Variants in SNAP29 observed in about 807,000 individuals in gnomAD.
The protein encoded by SNAP29 is synaptosomal-associated protein 29.
A neutral mutation model predicts 27.9 loss-of-function variants in SNAP29; 13 were observed. The observed-to-expected ratio is 0.47, with a 90% CI of 0.30 to 0.74. The LOEUF (loss-of-function observed/expected upper bound fraction) is 0.74, where lower values mean the gene tolerates loss of function less well. Among genes scored for constraint, SNAP29 ranks in the 30% least tolerant of loss-of-function variants. SNAP29 has a pLI of 0.06. For missense variants in SNAP29, 368 were observed against 336.5 expected, an observed-to-expected ratio of 1.09 and a Z score of -0.73; for synonymous variants, 119 against 127.1, an observed-to-expected ratio of 0.94 and a Z score of 0.43.
chr22:20,860,514 T>G (rs1012953377), intron 1 of SNAP29, among the ~76,000 whole-genome samples: 2 of 148,818 alleles, frequency 1.3e-5, no homozygotes, highest in African/African-American at 4.9e-5. Flanking sequence ...GGACTACAGG[T>G]GCGCCGCCAC....
rs752875049 is a variant in SNAP29 at position 20,881,042 on chromosome 22, T to C, written c.435-7T>C. On this transcript the variant is annotated splice_region_variant and splice_polypyrimidine_tract_variant and intron_variant, in intron 2 of 4. Coordinates refer to ENST00000215730, the MANE Select transcript of SNAP29 (RefSeq NM_004782.4). ...ACGTTTTCTTTTTTGTGAACTTTTA[T>C]CCAAAGATTGAAAGAAGCTATAAGT... The C allele has an allele frequency of 1.4e-5, 23 of 1,592,456 alleles. No homozygotes were observed. In the African/African-American group the frequency reaches 2.8e-4, roughly 20 times the overall value.
Position 20,871,482 on chromosome 22 carries a change from T to TAAAAAAAAAAA in SNAP29, c.434+962_434+972dup, listed in dbSNP as rs58294079. 4.6e-3 allele frequency among the ~76,000 whole-genome samples: 297 copies of TAAAAAAAAAAA among 64,080 alleles called. 2 individuals carry two copies. The highest frequency in any genetic ancestry group is 6.5e-3 in the Non-Finnish European group (217 of 33,132). 42.0% of individuals were successfully genotyped at this position (64,080 alleles called of 152,430 possible). ...ATCAGTGACAGAGTCTCCCTGTCTCTAAAAAAAAAAAAAAAAAAAAAAAGA... is the reference window on the plus strand; with the variant it reads ...ATCAGTGACAGAGTCTCCCTGTCTCTAAAAAAAAAAAAAAAAAAAAAAAAAAAAAAAAAAGA... On this transcript the variant is annotated intron_variant, in intron 2 of 4. Transcript: ENST00000215730.
Position 20,887,988 on chromosome 22 carries a change from T to G in SNAP29, c.*152T>G. The G allele has an allele frequency of 1.3e-6, 1 of 778,934 alleles. No homozygotes were observed. Among genetic ancestry groups the G allele is most frequent in the Non-Finnish European group, 2.1e-6 (1 of 476,578 alleles). 48.3% of individuals were successfully genotyped at this position (778,934 alleles called of 1,614,324 possible). Reference sequence around the variant, plus strand: ...AGGTCTTAAGACATTTTTGCTGTTATAAGGAAGTGTTTGTCCCACATTTTC... The same window carrying G: ...AGGTCTTAAGACATTTTTGCTGTTAGAAGGAAGTGTTTGTCCCACATTTTC... On this transcript the variant is annotated 3_prime_UTR_variant, in exon 5 of 5. Coordinates refer to ENST00000215730, the MANE Select transcript of SNAP29 (RefSeq NM_004782.4).
chr22:20,881,565 A>G (rs1928892835), intron 3 of SNAP29, among the ~76,000 whole-genome samples: 1 of 152,136 alleles, frequency 6.6e-6, no homozygotes, highest in Admixed American at 6.5e-5. Context: ...AAATTAGCCA[A>G]ATGTGGTGGC....
rs370091844 is a variant in SNAP29 at position 20,877,403 on chromosome 22, A to T, written c.435-3646A>T. The stretch of plus-strand genomic sequence containing the variant: ...GAAACCCTGTCTCTACTAAAAATAC[A>T]AAATGAGCCAAGCAAGGTGGCACAC... On this transcript the variant is annotated intron_variant, in intron 2 of 4. Transcript: ENST00000215730. Among the ~76,000 whole-genome samples, 47 of 152,290 alleles carry T rather than the reference A, an allele frequency of 3.1e-4. No homozygotes were observed. The South Asian group carries it at 9.3e-3, about 30-fold the overall frequency.
In SNAP29 at chr22:20,889,512, G is replaced by A. The variant is rs546890957; in HGVS notation, c.*1676G>A. ...AGACATTTGTTTATTAGATGAGCTCGGCATTATTATTTTCTCAATAACTGG... is the reference window on the plus strand; with the variant it reads ...AGACATTTGTTTATTAGATGAGCTCAGCATTATTATTTTCTCAATAACTGG... On this transcript the variant is annotated 3_prime_UTR_variant, in exon 5 of 5. Coordinates refer to ENST00000215730, the MANE Select transcript of SNAP29 (RefSeq NM_004782.4). The A allele has an allele frequency of 6.6e-6, 1 of 152,230 alleles. No individual in the cohort carries two copies. Among genetic ancestry groups the A allele is most frequent in the South Asian group, 2.1e-4 (1 of 4,830 alleles). 9.4% of individuals were successfully genotyped at this position (152,230 alleles called of 1,614,324 possible).
intron 4 of SNAP29, 38 bp from the exon 5 acceptor site, chr22:20,887,641 G>A: frequency 6.2e-7 from 1 of 1,613,632 alleles, no homozygotes; most frequent in Non-Finnish European, 8.5e-7. Flanking sequence ...TGCCGTGACT[G>A]TTTGCTCATG....
At chr22:20,875,200 T>C (rs776386402) in intron 2 of SNAP29, among the ~76,000 whole-genome samples, 2 of 152,142 alleles carry the variant, frequency 1.3e-5, no homozygotes, top group Non-Finnish European at 2.9e-5. Context: ...CTTTGTCTCT[T>C]GGGAAGTCCT....
intron 1 of SNAP29, among the ~76,000 whole-genome samples, chr22:20,863,152 G>T (rs1928369578): frequency 6.6e-6 from 1 of 152,152 alleles, no homozygotes; most frequent in South Asian, 2.1e-4. Context: ...GCCTCCCAGT[G>T]CTGGATTACA....
chr22:20,868,654 A>G (rs1432522924), intron 1 of SNAP29, among the ~76,000 whole-genome samples: 3 of 152,198 alleles, frequency 2.0e-5, no homozygotes, highest in Non-Finnish European at 2.9e-5. Context: ...GCTAAGCCAC[A>G]GGGTGATGGG....
chr22:20,865,285 G>A (rs1166150307), intron 1 of SNAP29, among the ~76,000 whole-genome samples: 1 of 152,028 alleles, frequency 6.6e-6, no homozygotes, highest in Non-Finnish European at 1.5e-5. Context: ...AACCAGGGAG[G>A]TCAAGGCTGC....
intron 2 of SNAP29, among the ~76,000 whole-genome samples, chr22:20,874,352 CACACACACACACACA>C (rs1569117996): frequency 3.4e-3 from 181 of 53,686 alleles, no homozygotes; most frequent in Non-Finnish European, 5.1e-3. Flanking sequence ...AAATTAGCCA[CACACACACACACACA>C]CACACACACA....
At chr22:20,883,656 A>G (rs1928944836) in intron 4 of SNAP29, 87 bp downstream of exon 4, 1 of 848,610 alleles carries the variant, frequency 1.2e-6, no homozygotes, top group African/African-American at 1.7e-5. Context: ...AGCATCCTCC[A>G]GCTTCAGTTC....
intron 4 of SNAP29, among the ~76,000 whole-genome samples, chr22:20,884,313 C>T (rs1186906676): frequency 1.4e-5 from 2 of 148,080 alleles, no homozygotes; most frequent in Non-Finnish European, 3.0e-5. Context: ...ACCTGGGCAA[C>T]AAGAGCGAAA....
At chr22:20,876,913 G>A (rs550283349) in intron 2 of SNAP29, among the ~76,000 whole-genome samples, 17 of 152,238 alleles carry the variant, frequency 1.1e-4, no homozygotes, top group Non-Finnish European at 2.2e-4. Flanking sequence ...AAACCCTTCG[G>A]CCTTCTCTGA....
intron 2 of SNAP29, among the ~76,000 whole-genome samples, chr22:20,872,301 C>T (rs1191131994): frequency 6.6e-6 from 1 of 151,760 alleles, no homozygotes; most frequent in African/African-American, 2.4e-5. Flanking sequence ...AGTGCAAAGA[C>T]GTGATCTCAG....
chr22:20,864,202 C>A (rs1042533719), intron 1 of SNAP29, among the ~76,000 whole-genome samples: 1 of 152,078 alleles, frequency 6.6e-6, no homozygotes, highest in African/African-American at 2.4e-5. Context: ...TCAGGGGAGT[C>A]CAGCAACAAA....
intron 2 of SNAP29, among the ~76,000 whole-genome samples, chr22:20,876,140 G>A (rs1480335342): frequency 5.4e-5 from 8 of 148,978 alleles, no homozygotes; most frequent in Admixed American, 1.3e-4. Context: ...CAGCCTGGGC[G>A]ACAGAGACTC....
At chr22:20,865,966 C>T (rs1048438561) in intron 1 of SNAP29, among the ~76,000 whole-genome samples, 3 of 152,220 alleles carry the variant, frequency 2.0e-5, no homozygotes, top group East Asian at 3.8e-4. Flanking sequence ...AAGCTGATAA[C>T]GTGTAGCCCA....
Sources: allele counts gnomAD v4.1 joint callset (sites outside exome capture counted in the v4.1 genomes callset), GRCh38; gene constraint gnomAD v4.1.1; transcripts MANE v1.5; gene names NCBI Gene and HGNC (gene_info 2026-07-23, HGNC 2026-07-21).